The following GRK3 variants were observed in gnomAD, a reference collection of about 807,000 sequenced individuals.
The protein encoded by GRK3 is G protein-coupled receptor kinase 3, also known as adrenergic, beta, receptor kinase 2.
A neutral mutation model predicts 95.7 loss-of-function variants in GRK3; 54 were observed. The ratio of observed to expected loss-of-function variants is 0.56; its 90% CI spans 0.45 to 0.71. The LOEUF is 0.71. Among genes scored for constraint, GRK3 ranks in the 30% least tolerant of loss-of-function variants. The pLI is 0.00. For missense variants in GRK3, 649 were observed against 851.2 expected (o/e 0.76, Z 2.96); for synonymous variants, 281 against 290.8 (o/e 0.97, Z 0.34).
At chr22:25,591,575 G>C (rs1028995097) in intron 1 of GRK3, among the ~76,000 whole-genome samples, 4 of 151,918 alleles carry the variant, frequency 2.6e-5, no homozygotes, top group East Asian at 1.9e-4. Context: ...CATAAACTCA[G>C]GTATGGTTGA....
chr22:25,591,594 C>T (rs1332567437), intron 1 of GRK3, among the ~76,000 whole-genome samples: 2 of 151,968 alleles, frequency 1.3e-5, no homozygotes, highest in Non-Finnish European at 2.9e-5. Context: ...GAAAAGGGCT[C>T]CTTAGGAATA....
intron 11 of GRK3, among the ~76,000 whole-genome samples, chr22:25,689,242 T>C (rs2085146096): frequency 6.6e-6 from 1 of 152,194 alleles, no homozygotes; most frequent in Admixed American, 6.5e-5. Flanking sequence ...TTTATTTCCT[T>C]ATGCGAGCTT....
chr22:25,692,302 G>A (rs2085171247), intron 12 of GRK3, among the ~76,000 whole-genome samples: 1 of 152,296 alleles, frequency 6.6e-6, no homozygotes, highest in South Asian at 2.1e-4. Flanking sequence ...GAGGCATTTT[G>A]TGGCTAGGAA....
At chr22:25,566,688 C>T (rs914090035) in intron 1 of GRK3, among the ~76,000 whole-genome samples, 14 of 152,196 alleles carry the variant, frequency 9.2e-5, no homozygotes, top group African/African-American at 2.6e-4. Flanking sequence ...TTAAAATTTC[C>T]GGCAAATGGG....
At chr22:25,673,578 G>C (rs2085002353) in intron 7 of GRK3, among the ~76,000 whole-genome samples, 2 of 152,040 alleles carry the variant, frequency 1.3e-5, no homozygotes, top group African/African-American at 4.8e-5. Context: ...TGTGGACTCT[G>C]AGAATCAAAC....
chr22:25,567,457 G>A (rs183363709), intron 1 of GRK3, among the ~76,000 whole-genome samples: 1 of 152,228 alleles, frequency 6.6e-6, no homozygotes, highest in Admixed American at 6.5e-5. Flanking sequence ...GGAGGTTGGG[G>A]GTTGGGGAAT....
intron 11 of GRK3, among the ~76,000 whole-genome samples, chr22:25,688,027 G>A (rs987205974): frequency 1.9e-4 from 29 of 152,264 alleles, no homozygotes; most frequent in African/African-American, 6.5e-4. Flanking sequence ...ACAAGGTCAG[G>A]AGATCAAGGC....
At position 25,613,994 on chromosome 22, in the gene GRK3, C is replaced by T. The variant is rs113149907; in HGVS notation, c.190+9541C>T. On this transcript the variant is annotated intron_variant, in intron 2 of 20. Coordinates refer to ENST00000324198, the MANE Select transcript of GRK3 (RefSeq NM_005160.4). ...AAGTTCAAAGACCAGCCATAATTATCATCGCCCCACCCAAAAAAAAATTCA... is the reference window on the plus strand; with the variant it reads ...AAGTTCAAAGACCAGCCATAATTATTATCGCCCCACCCAAAAAAAAATTCA... Among the ~76,000 whole-genome samples, 783 of 151,476 alleles carry T rather than the reference C, an allele frequency of 5.2e-3. 4 individuals are homozygous for T. The highest frequency in any genetic ancestry group is 0.018 in the African/African-American group (753 of 41,310).
chr22:25,704,367 C>A (rs117148785), intron 15 of GRK3, among the ~76,000 whole-genome samples, 158 bp downstream of exon 15: 10 of 152,152 alleles, frequency 6.6e-5, no homozygotes, highest in African/African-American at 2.4e-4. Flanking sequence ...AAATATTGTC[C>A]TATGTGTTTT....
intron 3 of GRK3, among the ~76,000 whole-genome samples, chr22:25,659,381 C>T (rs1465674753): frequency 1.3e-5 from 2 of 152,168 alleles, no homozygotes; most frequent in Admixed American, 6.5e-5. Context: ...AGGGTGGGCG[C>T]AGAAGCAGAG....
intron 12 of GRK3, among the ~76,000 whole-genome samples, chr22:25,691,344 A>C (rs143387605): frequency 1.2e-4 from 19 of 152,306 alleles, no homozygotes; most frequent in African/African-American, 3.9e-4. Context: ...GCATCTGTGC[A>C]GAAAATAAAC....
intron 1 of GRK3, among the ~76,000 whole-genome samples, chr22:25,591,016 C>T (rs541337682): frequency 8.4e-4 from 127 of 152,094 alleles, no homozygotes; most frequent in African/African-American, 3.0e-3. Flanking sequence ...TTAGCAGAGA[C>T]CCCCTCCCCA....
rs555871235 is a variant in GRK3 at position 25,694,825 on chromosome 22, T to C, written c.1053-282T>C. ...CCTGAAACGGCAGGAGAACCTTTGC[T>C]CTTCATAGCTGGAGTAGAGAAGGAC... On this transcript the variant is annotated intron_variant, in intron 12 of 20. Transcript: ENST00000324198. 3.9e-5 allele frequency among the ~76,000 whole-genome samples: 6 copies of C among 152,336 alleles called. No individual in the cohort carries two copies. In the South Asian group the frequency reaches 1.0e-3, roughly 26 times the overall value.
At chr22:25,581,349 C>G (rs983063948) in intron 1 of GRK3, 2 of 152,128 alleles carry the variant, frequency 1.3e-5, no homozygotes, top group African/African-American at 4.8e-5. Flanking sequence ...CTCAGTTTTC[C>G]CAATGTCATG....
At chr22:25,698,584 G>T (rs552998429) in intron 13 of GRK3, among the ~76,000 whole-genome samples, 2 of 152,302 alleles carry the variant, frequency 1.3e-5, no homozygotes, top group Admixed American at 1.3e-4. Flanking sequence ...AAGAGGGAAG[G>T]AGTGCTGAGG....
intron 3 of GRK3, chr22:25,649,141 C>T: frequency 6.9e-7 from 1 of 1,452,848 alleles, no homozygotes; most frequent in Non-Finnish European, 9.7e-7. Context: ...AAGAAGGACC[C>T]TGATGAAAGA....
At chr22:25,642,336 G>A (rs111731353) in intron 2 of GRK3, among the ~76,000 whole-genome samples, 2,890 of 152,234 alleles carry the variant, frequency 0.019, 43 homozygotes, top group Non-Finnish European at 0.028. Context: ...GGGAGGCTGA[G>A]GCAGGAGAAT....
At chr22:25,601,866 A>G (rs1266953981) in intron 1 of GRK3, among the ~76,000 whole-genome samples, 1 of 152,266 alleles carries the variant, frequency 6.6e-6, no homozygotes, top group Non-Finnish European at 1.5e-5. Flanking sequence ...TGTTTACACA[A>G]AAGCGAAAAC....
chr22:25,669,854 G>GT, intron 6 of GRK3, among the ~76,000 whole-genome samples: 1 of 152,258 alleles, frequency 6.6e-6, no homozygotes, highest in East Asian at 1.9e-4. Flanking sequence ...ACCAGCTCTG[G>GT]ACTCCAGAAT....
Sources: gnomAD v4.1 joint callset for allele counts (sites outside exome capture counted in the v4.1 genomes callset) on GRCh38, gnomAD v4.1.1 for gene constraint, MANE v1.5 for transcripts, NCBI Gene and HGNC (gene_info 2026-07-23, HGNC 2026-07-21) for gene names.